TNFSF11: variants seen among roughly 807,000 people sequenced by gnomAD.
TNFSF11 encodes the protein tumor necrosis factor ligand superfamily member 11.
In TNFSF11, 12 loss-of-function variants were observed where a neutral mutation model predicts 32.2. The observed-to-expected ratio is 0.37, with a 90% CI of 0.24 to 0.60. TNFSF11 has a LOEUF of 0.60. TNFSF11 is among the 20% of genes least tolerant of loss of function. The probability of loss-of-function intolerance (pLI) is 0.66; values close to 1 mark genes in which losing one functional copy is unlikely to be tolerated. For synonymous variants in TNFSF11, 172 were observed against 152.1 expected, an observed-to-expected ratio of 1.13 and a Z score of -0.96; for missense variants, 345 against 398.0, an observed-to-expected ratio of 0.87 and a Z score of 1.13.
intron 1 of TNFSF11, among the ~76,000 whole-genome samples, chr13:42,579,115 G>A (rs1443335353): frequency 6.6e-6 from 1 of 152,096 alleles, no homozygotes; most frequent in Non-Finnish European, 1.5e-5. Flanking sequence ...TATAGGGTTC[G>A]GGTGCAGTGG....
At chr13:42,595,502 T>A (rs192955733) in intron 2 of TNFSF11, among the ~76,000 whole-genome samples, 6 of 152,306 alleles carry the variant, frequency 3.9e-5, no homozygotes, top group African/African-American at 1.4e-4. Flanking sequence ...TGGACATGGG[T>A]GCTCATTAGC....
At chr13:42,602,425 G>A (rs1869228730) in intron 4 of TNFSF11, among the ~76,000 whole-genome samples, 1 of 152,190 alleles carries the variant, frequency 6.6e-6, no homozygotes, top group African/African-American at 2.4e-5. Context: ...GTTAAAGAAA[G>A]AAAGTTCAAG....
At chr13:42,606,078 T>C (rs1023652720) in intron 4 of TNFSF11, among the ~76,000 whole-genome samples, 3 of 152,226 alleles carry the variant, frequency 2.0e-5, no homozygotes, top group African/African-American at 7.2e-5. Flanking sequence ...GAATCCCATT[T>C]CTCTTAAGTT....
At chr13:42,590,133 C>G (rs1874096874) in intron 2 of TNFSF11, among the ~76,000 whole-genome samples, 4 of 152,222 alleles carry the variant, frequency 2.6e-5, no homozygotes, top group Non-Finnish European at 4.4e-5. Context: ...TTCTACATTT[C>G]CAGCCCCAGT....
intron 1 of TNFSF11, among the ~76,000 whole-genome samples, chr13:42,576,842 G>T (rs575944645): frequency 6.6e-6 from 1 of 152,320 alleles, no homozygotes; most frequent in African/African-American, 2.4e-5. Context: ...GCTTACAGAT[G>T]AAAAAAGATT....
chr13:42,606,299 G>T (rs1428137172), intron 4 of TNFSF11, among the ~76,000 whole-genome samples, 198 bp from the exon 5 acceptor site: 1 of 152,182 alleles, frequency 6.6e-6, no homozygotes, highest in African/African-American at 2.4e-5. Context: ...TGTCTTCGTA[G>T]CCTCTACTGT....
chr13:42,568,444 G>A (rs1427335816), intron 2 of TNFSF11, among the ~76,000 whole-genome samples: 1 of 152,212 alleles, frequency 6.6e-6, no homozygotes, highest in Non-Finnish European at 1.5e-5. Flanking sequence ...TATATTTCCA[G>A]AAGACTGCCA....
chr13:42,581,371 C>A, intron 2 of TNFSF11, 78 bp downstream of exon 2: 1 of 1,450,610 alleles, frequency 6.9e-7, no homozygotes, highest in Non-Finnish European at 9.6e-7. Flanking sequence ...TGGCTAAGTG[C>A]TGTTGACTCT....
At chr13:42,565,700 G>C (rs1202563789) in intron 1 of TNFSF11, among the ~76,000 whole-genome samples, 5 of 152,136 alleles carry the variant, frequency 3.3e-5, no homozygotes, top group Admixed American at 2.6e-4. Flanking sequence ...AAAATTAAGA[G>C]TTTGTAAAGA....
intron 2 of TNFSF11, among the ~76,000 whole-genome samples, chr13:42,586,291 G>A (rs1346207374): frequency 6.6e-6 from 1 of 152,148 alleles, no homozygotes; most frequent in Non-Finnish European, 1.5e-5. Context: ...AGGAATGAAT[G>A]GAGAAAAGCA....
At chr13:42,563,663 CAAA>C (rs34732335) in intron 1 of TNFSF11, among the ~76,000 whole-genome samples, 27 of 127,308 alleles carry the variant, frequency 2.1e-4, no homozygotes, top group East Asian at 2.3e-4. Context: ...AACTCCGTCT[CAAA>C]AAAAAAAAAA....
intron 1 of TNFSF11, chr13:42,566,614 C>G (rs1872877804): frequency 1.3e-5 from 2 of 152,272 alleles, no homozygotes; most frequent in Non-Finnish European, 2.9e-5. Flanking sequence ...ACTTTAAAAT[C>G]CAACAGATCA....
chr13:42,593,933 A>G (rs1280364569), intron 2 of TNFSF11, among the ~76,000 whole-genome samples: 2 of 152,154 alleles, frequency 1.3e-5, no homozygotes, highest in Non-Finnish European at 2.9e-5. Context: ...ATTGACAGGT[A>G]CCACATGGAT....
At chr13:42,601,086 C>T in intron 4 of TNFSF11, 105 bp downstream of exon 4, 3 of 1,286,506 alleles carry the variant, frequency 2.3e-6, no homozygotes, top group Non-Finnish European at 3.3e-6. Flanking sequence ...TTTTGAGAGC[C>T]CTTACTTCAA....
chr13:42,585,598 T>A (rs1354319404), intron 2 of TNFSF11, among the ~76,000 whole-genome samples: 1 of 152,118 alleles, frequency 6.6e-6, no homozygotes, highest in African/African-American at 2.4e-5. Context: ...ACAAATATGG[T>A]GTCTGATTTA....
chr13:42,607,119 C>T lies in TNFSF11; in HGVS notation c.*201C>T, dbSNP rs960578966. 3.2e-6 allele frequency: 2 copies of T among 627,154 alleles called. No individual in the cohort carries two copies. Among genetic ancestry groups the T allele is most frequent in the African/African-American group, 1.9e-5 (1 of 53,930 alleles). The allele number at this position is 627,154 out of a possible 1,614,324, so 38.8% of individuals were successfully genotyped here. ...GAGATGTTAGACTCATGGTGTGTTA[C>T]ACAATGGTTTTTAAATTTTGTAATG... On this transcript the variant is annotated 3_prime_UTR_variant, in exon 5 of 5. Transcript: ENST00000398795.
intron 2 of TNFSF11, among the ~76,000 whole-genome samples, chr13:42,588,868 G>T (rs1350795467): frequency 6.6e-6 from 1 of 152,098 alleles, no homozygotes; most frequent in Non-Finnish European, 1.5e-5. Context: ...AAAGAGGTGG[G>T]TCCCGGAAAT....
intron 2 of TNFSF11, among the ~76,000 whole-genome samples, chr13:42,599,349 C>CATCT (rs1555310744): frequency 0.042 from 4,677 of 112,126 alleles, 106 homozygotes; most frequent in African/African-American, 0.061. Context: ...ATCTATCTAT[C>CATCT]ATCTATCTAT....
chr13:42,583,417 T>TAAAAAAAAAAAAAAAAAAAAAAAA (rs71747752), intron 2 of TNFSF11, among the ~76,000 whole-genome samples: 2 of 24,638 alleles, frequency 8.1e-5, no homozygotes, highest in African/African-American at 1.9e-4. Context: ...AAGACCCTGC[T>TAAAAAAAAAAAAAAAAAAAAAAAA]AAAAAAAAAA....
Sources: allele counts gnomAD v4.1 joint callset (sites outside exome capture counted in the v4.1 genomes callset), GRCh38; gene constraint gnomAD v4.1.1; transcripts MANE v1.5; gene names NCBI Gene and HGNC (gene_info 2026-07-23, HGNC 2026-07-21).